CSMD3: variants seen among roughly 807,000 people sequenced by gnomAD.
CSMD3 encodes the protein CUB and Sushi multiple domains 3.
In CSMD3, 177 loss-of-function variants were observed where a neutral mutation model predicts 435.2. That is an observed-to-expected ratio of 0.41 (90% CI 0.36 to 0.46). The LOEUF is 0.46. Ranked by LOEUF, CSMD3 falls within the 20% of genes least tolerant of loss-of-function variation. The probability of loss-of-function intolerance (pLI) is 0.34; values close to 1 mark genes in which losing one functional copy is unlikely to be tolerated. For missense variants in CSMD3, 4,265 were observed against 4,504.6 expected, an observed-to-expected ratio of 0.95 and a Z score of 1.52; for synonymous variants, 1,656 against 1,520.5, an observed-to-expected ratio of 1.09 and a Z score of -2.07.
intron 13 of CSMD3, among the ~76,000 whole-genome samples, chr8:112,791,674 A>T (rs577856432): frequency 1.8e-4 from 27 of 152,286 alleles, no homozygotes; most frequent in East Asian, 1.4e-3. Context: ...TAGAAATTTT[A>T]AAAAATCTAC....
chr8:113,003,521 G>A (rs1394687312), intron 6 of CSMD3, among the ~76,000 whole-genome samples: 5 of 151,896 alleles, frequency 3.3e-5, no homozygotes, highest in Non-Finnish European at 7.4e-5. Flanking sequence ...ATGCAAATAA[G>A]CTATTAGAAT....
At chr8:113,248,592 C>A (rs1314176528) in intron 3 of CSMD3, among the ~76,000 whole-genome samples, 2 of 146,668 alleles carry the variant, frequency 1.4e-5, no homozygotes, top group Admixed American at 1.4e-4. Flanking sequence ...TATAAATTGC[C>A]ATGTATTTAT....
chr8:113,064,501 T>C (rs1352983755), intron 5 of CSMD3, among the ~76,000 whole-genome samples: 1 of 152,180 alleles, frequency 6.6e-6, no homozygotes, highest in African/African-American at 2.4e-5. Flanking sequence ...TTAATTCATT[T>C]ATTTAAGATC....
chr8:112,264,380 A>C (rs967425005), intron 60 of CSMD3, among the ~76,000 whole-genome samples: 5 of 152,116 alleles, frequency 3.3e-5, no homozygotes, highest in African/African-American at 1.2e-4. Flanking sequence ...TATTTTGTTT[A>C]AATTGTTTTC....
intron 3 of CSMD3, among the ~76,000 whole-genome samples, chr8:113,231,380 GATA>G (rs1483302635): frequency 1.3e-5 from 2 of 151,256 alleles, no homozygotes; most frequent in Non-Finnish European, 3.0e-5. Context: ...AAATTCAGAA[GATA>G]ATAATATAGG....
At chr8:112,782,803 T>C (rs1331346384) in intron 13 of CSMD3, among the ~76,000 whole-genome samples, 3 of 151,066 alleles carry the variant, frequency 2.0e-5, no homozygotes, top group Non-Finnish European at 4.4e-5. Flanking sequence ...ATATTTAAAG[T>C]GCTGAAAGAA....
chr8:113,319,691 T>C (rs184522984), intron 1 of CSMD3, among the ~76,000 whole-genome samples: 63 of 152,226 alleles, frequency 4.1e-4, no homozygotes, highest in African/African-American at 1.5e-3. Context: ...GTTATCATAC[T>C]ATTTTCTTTT....
intron 45 of CSMD3, among the ~76,000 whole-genome samples, chr8:112,329,446 C>T (rs924529185): frequency 2.4e-4 from 37 of 152,178 alleles, no homozygotes; most frequent in African/African-American, 7.7e-4. Flanking sequence ...AGAAAAAATA[C>T]TAAGATATCC....
At chr8:112,645,068 T>C (rs771888349) in intron 20 of CSMD3, 41 bp downstream of exon 20, 1 of 1,013,756 alleles carries the variant, frequency 9.9e-7, no homozygotes, top group South Asian at 1.3e-5. Context: ...TCAATGAAAA[T>C]TCAGAAGATA....
intron 13 of CSMD3, among the ~76,000 whole-genome samples, chr8:112,743,145 C>A (rs1358966157): frequency 3.3e-5 from 5 of 151,666 alleles, no homozygotes; most frequent in African/African-American, 4.8e-5. Context: ...CTTATTTGTA[C>A]ATGTAGTTGA....
At chr8:113,123,801 C>T (rs966100411) in intron 4 of CSMD3, among the ~76,000 whole-genome samples, 1 of 151,898 alleles carries the variant, frequency 6.6e-6, no homozygotes, top group Non-Finnish European at 1.5e-5. Flanking sequence ...GGATGTAGAT[C>T]CCATCTGGCT....
intron 9 of CSMD3, among the ~76,000 whole-genome samples, chr8:112,946,332 A>C (rs1268393088): frequency 6.6e-6 from 1 of 151,740 alleles, no homozygotes; most frequent in Non-Finnish European, 1.5e-5. Flanking sequence ...AACTGAGGAA[A>C]CTAACTCTTG....
rs1185406924 is a variant in CSMD3 at position 112,561,702 on chromosome 8, A to G, written c.4043-4748T>C. On this transcript the variant is annotated intron_variant, in intron 24 of 70. Coordinates refer to ENST00000297405, the MANE Select transcript of CSMD3 (RefSeq NM_198123.2). ...TCCCTGAGAGCTAGCAAATATTCTA[A>G]TTCAGTTTATTATTCTTGCACATAT... is the stretch of plus-strand genomic sequence containing the variant. Among the ~76,000 whole-genome samples, 4 of 151,752 alleles carry G rather than the reference A, an allele frequency of 2.6e-5. No individual in the cohort carries two copies. The East Asian group carries it at 7.8e-4, about 29-fold the overall frequency.
intron 3 of CSMD3, among the ~76,000 whole-genome samples, chr8:113,258,309 A>T (rs1480799726): frequency 6.6e-6 from 1 of 152,200 alleles, no homozygotes; most frequent in East Asian, 1.9e-4. Flanking sequence ...TTATAAAAAG[A>T]TAGTACACGA....
intron 59 of CSMD3, among the ~76,000 whole-genome samples, chr8:112,273,806 G>A (rs775685396): frequency 6.6e-5 from 10 of 151,278 alleles, no homozygotes; most frequent in Non-Finnish European, 8.8e-5. Context: ...ATTGAAGTCT[G>A]TCACCAACAA....
intron 4 of CSMD3, among the ~76,000 whole-genome samples, chr8:113,169,177 T>C (rs892338565): frequency 6.6e-6 from 1 of 152,280 alleles, no homozygotes; most frequent in Admixed American, 6.5e-5. Context: ...GCTGCTGTTC[T>C]TATTTCATCA....
rs1362833611 is a variant in CSMD3, at chr8:112,793,944, T to TAAACAAA, written c.1972+6217_1972+6218insTTTGTTT. Among the ~76,000 whole-genome samples the TAAACAAA allele has an allele frequency of 9.9e-5, 15 of 152,246 alleles. No individual in the cohort carries two copies. In the East Asian group the frequency reaches 2.9e-3, roughly 29 times the overall value. On this transcript the variant is annotated intron_variant, in intron 13 of 70. Transcript: ENST00000297405. The stretch of plus-strand genomic sequence containing the variant: ...GTGTTGAAATAATTAAACAAAGACA[T>TAAACAAA]AACAAATGTGTTTATCAGGGTTCAT...
chr8:112,400,245 G>A (rs1831203829), intron 35 of CSMD3, among the ~76,000 whole-genome samples: 1 of 152,064 alleles, frequency 6.6e-6, no homozygotes, highest in African/African-American at 2.4e-5. Context: ...CCCTTTTCTT[G>A]GTTCATAGAC....
intron 30 of CSMD3, among the ~76,000 whole-genome samples, chr8:112,493,535 T>C (rs1456420476): frequency 3.9e-5 from 6 of 152,110 alleles, no homozygotes; most frequent in Admixed American, 3.3e-4. Context: ...ATCATAGGTC[T>C]CCCATTGTAA....
Sources: gnomAD v4.1 joint callset for allele counts (sites outside exome capture counted in the v4.1 genomes callset) on GRCh38, gnomAD v4.1.1 for gene constraint, MANE v1.5 for transcripts, NCBI Gene and HGNC (gene_info 2026-07-23, HGNC 2026-07-21) for gene names.